USP30: variants seen among roughly 807,000 people sequenced by gnomAD.
USP30 encodes ubiquitin carboxyl-terminal hydrolase 30.
In USP30, 41 loss-of-function variants were observed where a neutral mutation model predicts 68.2. The observed-to-expected ratio is 0.60, with a 90% confidence interval of 0.47 to 0.78. The LOEUF is 0.78. Ranked by LOEUF, USP30 falls within the 30% of genes least tolerant of loss-of-function variation. The pLI is 0.00. For missense variants in USP30, 522 were observed against 649.4 expected (o/e 0.80, Z 2.13); for synonymous variants, 229 against 253.7 (o/e 0.90, Z 0.93).
chr12:109,023,390 T>C (rs543333812), intron 1 of USP30, among the ~76,000 whole-genome samples: 3 of 152,022 alleles, frequency 2.0e-5, no homozygotes, highest in South Asian at 4.2e-4. Flanking sequence ...TCGTCTCCAC[T>C]TGAAAATAAA....
rs147887285 is a variant in USP30, at chr12:109,064,163, C to T, written c.377-3361C>T. 2.6e-3 allele frequency among the ~76,000 whole-genome samples: 401 copies of T among 152,156 alleles called. 3 individuals carry two copies. Among genetic ancestry groups the T allele is most frequent in the Middle Eastern group, 0.017 (5 of 294 alleles). On this transcript the variant is annotated intron_variant, in intron 3 of 12. Coordinates refer to ENST00000257548, the MANE Select transcript of USP30 (RefSeq NM_032663.5). ...CTGGGATTACAGGCATGAGCCACCA[C>T]GCTCAGCATTGTTTGGTTTTTTGTT... is the stretch of plus-strand genomic sequence containing the variant.
At chr12:109,069,599 C>T (rs931576725) in intron 4 of USP30, among the ~76,000 whole-genome samples, 6 of 152,328 alleles carry the variant, frequency 3.9e-5, no homozygotes, top group East Asian at 3.9e-4. Context: ...GCAATGGAGT[C>T]GTAGCAGCAG....
chr12:109,045,273 C>T (rs984063683), intron 3 of USP30, among the ~76,000 whole-genome samples: 30 of 152,220 alleles, frequency 2.0e-4, no homozygotes, highest in Admixed American at 1.1e-3. Context: ...GCCACTGCGC[C>T]CGCCCAAACA....
Position 109,057,919 on chromosome 12 carries a change from T to A in USP30, c.194-7T>A. 6.2e-7 allele frequency: 1 copy of A among 1,609,558 alleles called. No individual in the cohort carries two copies. Among genetic ancestry groups the A allele is most frequent in the Non-Finnish European group, 8.5e-7 (1 of 1,178,488 alleles). On this transcript the variant is annotated splice_region_variant and splice_polypyrimidine_tract_variant and intron_variant, in intron 2 of 12. Coordinates refer to ENST00000257548, the MANE Select transcript of USP30 (RefSeq NM_032663.5). Reference sequence around the variant, plus strand: ...CTGTTCTCTTCTTCCCCCTGCTTTTTTTTTAGGGCTTGTGCCTGGCCTTGT... The same window carrying A: ...CTGTTCTCTTCTTCCCCCTGCTTTTATTTTAGGGCTTGTGCCTGGCCTTGT...
In USP30 at chr12:109,073,496, C is replaced by T; in HGVS notation, c.684C>T (p.Leu228=). The T allele has an allele frequency of 6.2e-7, 1 of 1,613,964 alleles. No individual in the cohort carries two copies. The highest frequency in any genetic ancestry group is 8.5e-7 in the Non-Finnish European group (1 of 1,179,822). Residue 228 remains leucine, a synonymous_variant, in exon 7 of 13, where the codon CTC becomes CTT. Coordinates refer to ENST00000257548, the MANE Select transcript of USP30 (RefSeq NM_032663.5). ...WKSQHPFHGR[L]TSNMVCKHCE... is the part of the protein sequence containing the mutation. ...CTCAACATCCTTTTCATGGAAGACT[C>T]ACTAGTAATATGGTCTGCAAACACT...
rs762546878 is a variant in USP30 at position 109,067,551 on chromosome 12, A to G, written c.404A>G (p.Asp135Gly). Residue 135 changes from aspartate (D) to glycine (G), a missense_variant, in exon 4 of 13, where the codon GAT (aspartate) becomes GGT (glycine). By Grantham distance (94) the Asp-to-Gly change is moderately conservative. Transcript: ENST00000257548. ...KALSCQEVTD[D>G]EVLDASCLLD... ...TTGTCCTGCCAAGAAGTTACTGATG[A>G]TGAGGTCTTAGATGCAAGCTGCTTG... 23 of 1,613,990 alleles carry G rather than the reference A, an allele frequency of 1.4e-5. 1 individual carries two copies. The South Asian group carries it at 2.4e-4, about 17-fold the overall frequency.
At chr12:109,085,137 T>C (rs776657741) in intron 12 of USP30, 64 bp downstream of exon 12, 4 of 1,353,586 alleles carry the variant, frequency 3.0e-6, no homozygotes, top group Non-Finnish European at 3.8e-6. Context: ...AAAATTAGCT[T>C]TTCACAGAAA....
At chr12:109,071,524 C>A in intron 4 of USP30, 88 bp from the exon 5 acceptor site, 1 of 1,045,096 alleles carries the variant, frequency 9.6e-7, no homozygotes, top group Non-Finnish European at 1.4e-6. Flanking sequence ...TACCCACATT[C>A]ACTGTAGGGT....
At chr12:109,065,033 AG>A (rs1349462036) in intron 3 of USP30, among the ~76,000 whole-genome samples, 1 of 152,216 alleles carries the variant, frequency 6.6e-6, no homozygotes, top group Non-Finnish European at 1.5e-5. Context: ...TTTAAGTGAA[AG>A]CAAGTTTATT....
Position 109,037,163 on chromosome 12 carries a change from T to A in USP30, c.-136+9607T>A, listed in dbSNP as rs140552861. Among the ~76,000 whole-genome samples the A allele has an allele frequency of 3.3e-5, 5 of 152,300 alleles. No homozygotes were observed. In the East Asian group the frequency reaches 5.8e-4, roughly 18 times the overall value. ...TCATCTCAATGGAACTATCTTCATGTTCATTGATACTTTGCTTACCTGTTC... is the reference window on the plus strand; with the variant it reads ...TCATCTCAATGGAACTATCTTCATGATCATTGATACTTTGCTTACCTGTTC... On this transcript the variant is annotated intron_variant, in intron 3 of 15. Transcript: ENST00000392784.
intron 3 of USP30, among the ~76,000 whole-genome samples, chr12:109,035,457 G>A (rs566283090): frequency 5.9e-5 from 9 of 152,120 alleles, no homozygotes; most frequent in East Asian, 1.9e-4. Context: ...TCCGCCTCCC[G>A]GGTTCAAGCG....
intron 3 of USP30, among the ~76,000 whole-genome samples, chr12:109,063,101 T>C (rs953237995): frequency 8.9e-6 from 1 of 112,124 alleles, no homozygotes; most frequent in Non-Finnish European, 2.1e-5. Flanking sequence ...AATAATATTC[T>C]TTCTATTTTT....
intron 1 of USP30, among the ~76,000 whole-genome samples, chr12:109,055,369 C>CATATATATAAATAT (rs71443830): frequency 2.9e-5 from 2 of 68,794 alleles, no homozygotes; most frequent in African/African-American, 1.0e-4. Context: ...TACACACACA[C>CATATATATAAATAT]ATATATATAC....
chr12:109,041,892 C>A (rs1405405522), intron 3 of USP30, among the ~76,000 whole-genome samples: 1 of 151,824 alleles, frequency 6.6e-6, no homozygotes, highest in African/African-American at 2.4e-5. Flanking sequence ...GTTTGAATTA[C>A]AAAGATTGTG....
chr12:109,049,478 A>C (rs970356429), upstream of USP30, among the ~76,000 whole-genome samples: 3 of 152,314 alleles, frequency 2.0e-5, no homozygotes, highest in East Asian at 3.9e-4. Flanking sequence ...AGTAACATTA[A>C]GGATCACTGA....
At chr12:109,081,473 G>C in intron 8 of USP30, 80 bp downstream of exon 8, 2 of 1,419,340 alleles carry the variant, frequency 1.4e-6, no homozygotes, top group Non-Finnish European at 2.0e-6. Flanking sequence ...ATTTTATGTG[G>C]CTCAGGCACT....
Position 109,026,878 on chromosome 12 carries a change from C to G in USP30, c.-227-587C>G, listed in dbSNP as rs539262136. Among the ~76,000 whole-genome samples, 3 of 152,298 alleles carry G rather than the reference C, an allele frequency of 2.0e-5. No individual in the cohort carries two copies. The South Asian group carries it at 6.2e-4, about 32-fold the overall frequency. On this transcript the variant is annotated intron_variant, in intron 2 of 15. Transcript: ENST00000392784. ...CCCAGCTTGCAGATGGCCACCTTCT[C>G]TCTGTGCTTACATGCTCTTTCCTTG... is the stretch of plus-strand genomic sequence containing the variant.
rs1022256185 is a variant in USP30, at chr12:109,086,905, C to T, written c.*974C>T. On this transcript the variant is annotated 3_prime_UTR_variant, in exon 13 of 13. Coordinates refer to ENST00000257548, the MANE Select transcript of USP30 (RefSeq NM_032663.5). ...AGGGCTGACTATGGGGCTGCAGTCTCTCTGAACCTCAGTTTCCTCATTTGT... is the reference window on the plus strand; with the variant it reads ...AGGGCTGACTATGGGGCTGCAGTCTTTCTGAACCTCAGTTTCCTCATTTGT... 2 of 152,202 alleles carry T rather than the reference C, an allele frequency of 1.3e-5. No homozygotes were observed. Among genetic ancestry groups the T allele is most frequent in the African/African-American group, 4.8e-5 (2 of 41,436 alleles). The allele number at this position is 152,202 out of a possible 1,614,324, so 9.4% of individuals were successfully genotyped here. A position where few individuals can be genotyped will look rare whatever the true frequency, so the allele number is the denominator to read the frequency against.
rs967255588 is a variant in USP30 at position 109,087,244 on chromosome 12, C to T, written c.*1313C>T. On this transcript the variant is annotated 3_prime_UTR_variant, in exon 13 of 13. Transcript: ENST00000257548. ...AATGGATACCAAATTCAAACCGACT[C>T]ATCAGAGGTAAGATTTGGAATCAGA... The T allele has an allele frequency of 1.3e-5, 2 of 152,088 alleles. No homozygotes were observed. The highest frequency in any genetic ancestry group is 6.5e-5 in the Admixed American group (1 of 15,268). 9.4% of individuals were successfully genotyped at this position (152,088 alleles called of 1,614,324 possible).
Sources: gnomAD v4.1 joint callset for allele counts (sites outside exome capture counted in the v4.1 genomes callset) on GRCh38, gnomAD v4.1.1 for gene constraint, MANE v1.5 for transcripts, NCBI Gene and HGNC (gene_info 2026-07-23, HGNC 2026-07-21) for gene names.